Variants in EFNB2 observed in about 807,000 individuals in gnomAD.
EFNB2 encodes the protein ephrin-B2.
Under a neutral mutation model 32.1 loss-of-function variants are expected in EFNB2, and 5 were observed. The observed-to-expected ratio is 0.16, with a 90% CI of 0.08 to 0.33. The LOEUF (loss-of-function observed/expected upper bound fraction) is 0.33, where lower values mean the gene tolerates loss of function less well. Among genes scored for constraint, EFNB2 ranks in the 10% least tolerant of loss-of-function variants. The probability of loss-of-function intolerance (pLI) is 1.00; values close to 1 mark genes in which losing one functional copy is unlikely to be tolerated. For synonymous variants in EFNB2, 168 were observed against 166.5 expected, an observed-to-expected ratio of 1.01 and a Z score of -0.07; for missense variants, 263 against 422.6, an observed-to-expected ratio of 0.62 and a Z score of 3.31.
rs754437075 is a variant in EFNB2, at chr13:106,490,596, C to T, written c.*2444G>A. 7.9e-5 allele frequency: 12 copies of T among 152,054 alleles called. No individual in the cohort carries two copies. Among genetic ancestry groups the T allele is most frequent in the African/African-American group, 7.2e-5 (3 of 41,386 alleles). The allele number at this position is 152,054 out of a possible 1,614,324, so 9.4% of individuals were successfully genotyped here. A position where few individuals can be genotyped will look rare whatever the true frequency, so the allele number is the denominator to read the frequency against. On this transcript the variant is annotated 3_prime_UTR_variant, in exon 5 of 5. Coordinates refer to ENST00000646441, the MANE Select transcript of EFNB2 (RefSeq NM_004093.4). ...CTATTTCCCATTTTTCCCCTTCTCG[C>T]CCCTCTCCCCCATCCTAAAAGTAAC...
At chr13:106,534,522 C>A (rs1879990042) in intron 1 of EFNB2, among the ~76,000 whole-genome samples, 1 of 152,348 alleles carries the variant, frequency 6.6e-6, no homozygotes, top group South Asian at 2.1e-4. Context: ...CCATGTCCTT[C>A]GTCCTCGAAA....
chr13:106,506,658 C>G (rs1023105349), intron 2 of EFNB2: 1 of 152,198 alleles, frequency 6.6e-6, no homozygotes, highest in Non-Finnish European at 1.5e-5. Context: ...GGGGTCCATC[C>G]TCTCCAGCTT....
rs1162724593 is a variant in EFNB2 at position 106,492,230 on chromosome 13, GCTTTTTT to G, written c.*803_*809del. 1 of 152,826 alleles carries G rather than the reference GCTTTTTT, an allele frequency of 6.5e-6. No individual in the cohort carries two copies. The highest frequency in any genetic ancestry group is 1.5e-5 in the Non-Finnish European group (1 of 68,210). The allele number at this position is 152,826 out of a possible 1,614,324, so 9.5% of individuals were successfully genotyped here. A position where few individuals can be genotyped will look rare whatever the true frequency, so the allele number is the denominator to read the frequency against. On this transcript the variant is annotated 3_prime_UTR_variant, in exon 5 of 5. Transcript: ENST00000646441. The surrounding 1 kb of genome is among the most constrained non-coding windows in gnomAD (Gnocchi z 5.1). ...AACCAAAGTGCTGTGCTACCTAATTGCTTTTTTCTTTTTTCCTTTCCAACTTTCTGTT... is the reference window on the plus strand; with the variant it reads ...AACCAAAGTGCTGTGCTACCTAATTGCTTTTTTCCTTTCCAACTTTCTGTT...
chr13:106,529,289 T>C (rs982883689), intron 1 of EFNB2, among the ~76,000 whole-genome samples: 7 of 152,126 alleles, frequency 4.6e-5, no homozygotes, highest in African/African-American at 1.4e-4. Flanking sequence ...GAAGCCCAAA[T>C]AGATTAAGGC....
intron 1 of EFNB2, among the ~76,000 whole-genome samples, chr13:106,532,597 CT>C (rs895570742): frequency 2.0e-4 from 31 of 152,222 alleles, no homozygotes; most frequent in Non-Finnish European, 4.1e-4. Context: ...AGAAATCTTT[CT>C]GATCTCTGGA....
At chr13:106,504,605 C>T (rs1878890410) in intron 2 of EFNB2, among the ~76,000 whole-genome samples, 1 of 152,156 alleles carries the variant, frequency 6.6e-6, no homozygotes, top group South Asian at 2.1e-4. Context: ...AAAAGAATAC[C>T]TTCATCCCCT....
At chr13:106,525,659 T>C (rs1022628825) in intron 1 of EFNB2, among the ~76,000 whole-genome samples, 3 of 152,204 alleles carry the variant, frequency 2.0e-5, no homozygotes, top group African/African-American at 7.2e-5. Flanking sequence ...CCCTAGGCTG[T>C]TTCCGGACCC....
chr13:106,530,980 T>C (rs879348848), intron 1 of EFNB2, among the ~76,000 whole-genome samples: 3 of 152,182 alleles, frequency 2.0e-5, no homozygotes, highest in Non-Finnish European at 2.9e-5. Flanking sequence ...TTCAAACACA[T>C]AGTTTTTAGC....
chr13:106,532,374 C>G (rs1879905384), intron 1 of EFNB2, among the ~76,000 whole-genome samples: 1 of 152,176 alleles, frequency 6.6e-6, no homozygotes. Flanking sequence ...CTGATGGCGG[C>G]TTCATTACAA....
At chr13:106,525,059 G>T (rs916817113) in intron 1 of EFNB2, among the ~76,000 whole-genome samples, 2 of 152,180 alleles carry the variant, frequency 1.3e-5, no homozygotes, top group African/African-American at 4.8e-5. Flanking sequence ...ATATTCAACT[G>T]ACTTTTATTA....
intron 1 of EFNB2, chr13:106,519,431 G>C (rs533301993): frequency 2.6e-5 from 4 of 152,258 alleles, no homozygotes; most frequent in South Asian, 2.1e-4. Flanking sequence ...AAATGTGTGG[G>C]GGGGGAGGAG....
At chr13:106,522,527 G>T (rs1033708476) in intron 1 of EFNB2, among the ~76,000 whole-genome samples, 1 of 152,150 alleles carries the variant, frequency 6.6e-6, no homozygotes, top group Non-Finnish European at 1.5e-5. Context: ...GAGATGAAAG[G>T]CTCACGTAAG....
At chr13:106,532,829 G>A (rs1401356460) in intron 1 of EFNB2, among the ~76,000 whole-genome samples, 1 of 151,548 alleles carries the variant, frequency 6.6e-6, no homozygotes, top group Non-Finnish European at 1.5e-5. Context: ...GAATGGGGGG[G>A]GGGAGTGGTG....
At position 106,518,182 on chromosome 13, in the gene EFNB2, A is replaced by G. The variant is rs1272231624; in HGVS notation, c.123-5370T>C. On this transcript the variant is annotated intron_variant, in intron 1 of 4. Transcript: ENST00000646441. This position sits in a 1 kb window ranked among gnomAD's most constrained non-coding sequence, Gnocchi z 4.1. ...GTAAAACCCCGTCTCTATTAAAAAT[A>G]CAACACTTAGCTGGGCATGGTGGCG... 2 of 152,164 alleles carry G rather than the reference A, an allele frequency of 1.3e-5. No individual in the cohort carries two copies. Among genetic ancestry groups the G allele is most frequent in the Non-Finnish European group, 2.9e-5 (2 of 68,044 alleles). The allele number at this position is 152,164 out of a possible 1,614,324, so 9.4% of individuals were successfully genotyped here.
intron 2 of EFNB2, among the ~76,000 whole-genome samples, chr13:106,505,673 T>C (rs1332243716): frequency 6.6e-6 from 1 of 152,352 alleles, no homozygotes; most frequent in South Asian, 2.1e-4. Context: ...ATCTTCCTGA[T>C]GAATGTTTAA....
intron 2 of EFNB2, among the ~76,000 whole-genome samples, chr13:106,499,639 A>T (rs1384433343): frequency 6.6e-6 from 1 of 152,226 alleles, no homozygotes; most frequent in Non-Finnish European, 1.5e-5. Context: ...ATCACATTTA[A>T]TCATTCAGAG....
chr13:106,534,335 G>A (rs1292419493), intron 1 of EFNB2, among the ~76,000 whole-genome samples: 1 of 152,170 alleles, frequency 6.6e-6, no homozygotes, highest in Non-Finnish European at 1.5e-5. Context: ...GGCTCTGCGG[G>A]CAGCGTAGCG....
intron 1 of EFNB2, 95 bp from the exon 2 acceptor site, chr13:106,512,907 C>G (rs9520090): frequency 0.51 from 547,335 of 1,064,862 alleles, 144,490 homozygotes; most frequent in East Asian, 0.57. Flanking sequence ...TAATCCCAAA[C>G]TACACATTTT....
intron 2 of EFNB2, chr13:106,509,835 A>G (rs920339700): frequency 4.6e-5 from 7 of 152,212 alleles, no homozygotes; most frequent in African/African-American, 1.7e-4. Context: ...TTGTAGATCA[A>G]TGAGCTTTGC....
Sources: allele counts gnomAD v4.1 joint callset (sites outside exome capture counted in the v4.1 genomes callset), GRCh38; gene constraint gnomAD v4.1.1; non-coding constraint Gnocchi (gnomAD v3.1); transcripts MANE v1.5; gene names NCBI Gene and HGNC (gene_info 2026-07-23, HGNC 2026-07-21).